Variants in NRXN2 observed in about 807,000 individuals in gnomAD.
The protein encoded by NRXN2 is neurexin-2-beta.
Under a neutral mutation model 128.8 loss-of-function variants are expected in NRXN2, and 29 were observed. The observed-to-expected ratio is 0.23, with a 90% CI of 0.17 to 0.31. The LOEUF (loss-of-function observed/expected upper bound fraction) is 0.31, where lower values mean the gene tolerates loss of function less well. Ranked by LOEUF, NRXN2 falls within the 10% of genes least tolerant of loss-of-function variation. The probability of loss-of-function intolerance (pLI) is 1.00; values close to 1 mark genes in which losing one functional copy is unlikely to be tolerated. For synonymous variants in NRXN2, 1,098 were observed against 1,075.2 expected, an observed-to-expected ratio of 1.02 and a Z score of -0.41; for missense variants, 1,881 against 2,452.6, an observed-to-expected ratio of 0.77 and a Z score of 4.92.
intron 17 of NRXN2, among the ~76,000 whole-genome samples, chr11:64,646,025 G>A (rs971642679): frequency 6.6e-6 from 1 of 152,156 alleles, no homozygotes; most frequent in African/African-American, 2.4e-5. Context: ...CCAGAGACAA[G>A]CTAGGAAGGA....
At chr11:64,677,078 C>CA (rs1457559185) in intron 6 of NRXN2, 41 bp from the exon 7 acceptor site, 5 of 1,316,684 alleles carry the variant, frequency 3.8e-6, no homozygotes, top group Non-Finnish European at 5.4e-6. Flanking sequence ...AGGGGGGTGT[C>CA]AAAAAACAAC....
At chr11:64,699,754 G>T (rs2055070947) in intron 2 of NRXN2, among the ~76,000 whole-genome samples, 1 of 152,088 alleles carries the variant, frequency 6.6e-6, no homozygotes, top group African/African-American at 2.4e-5. Flanking sequence ...CATTTATGGG[G>T]GGAGCTGGCT....
chr11:64,665,689 G>A (rs1367892838), intron 9 of NRXN2, among the ~76,000 whole-genome samples: 2 of 152,218 alleles, frequency 1.3e-5, no homozygotes, highest in African/African-American at 2.4e-5. Flanking sequence ...CCTGCATGGG[G>A]AGGAGCGGTC....
intron 6 of NRXN2, among the ~76,000 whole-genome samples, chr11:64,679,454 G>A (rs1002988321): frequency 4.6e-5 from 7 of 152,000 alleles, no homozygotes; most frequent in Non-Finnish European, 4.4e-5. Context: ...TGGCTAACAC[G>A]GTGAAACCCC....
chr11:64,683,619 C>CAAAAA (rs146075955), intron 6 of NRXN2, among the ~76,000 whole-genome samples: 23 of 75,592 alleles, frequency 3.0e-4, no homozygotes, highest in Non-Finnish European at 7.4e-4. Context: ...GACTCCATCT[C>CAAAAA]AAAAAAAAAA....
chr11:64,650,276 A>C lies in NRXN2; in HGVS notation c.3109+172T>G, dbSNP rs73492160. ...GACATGCAGACTCACAAGAGAGCCA[A>C]GCAGAACTTGGACAGGAAGATGTCA... On this transcript the variant is annotated intron_variant, in intron 15 of 22. Transcript: ENST00000265459. Among the ~76,000 whole-genome samples, 1,484 of 152,142 alleles carry C rather than the reference A, an allele frequency of 9.8e-3. 19 individuals are homozygous for C. Among genetic ancestry groups the C allele is most frequent in the African/African-American group, 0.034 (1,414 of 41,504 alleles).
At chr11:64,681,266 C>G (rs1221683088) in intron 6 of NRXN2, among the ~76,000 whole-genome samples, 2 of 151,718 alleles carry the variant, frequency 1.3e-5, no homozygotes, top group Non-Finnish European at 2.9e-5. Flanking sequence ...AGGAAAGAGA[C>G]CAAATGGATC....
Position 64,685,534 on chromosome 11 carries a change from C to T in NRXN2, c.1152+112G>A, listed in dbSNP as rs79812567. 2,331 of 1,407,692 alleles carry T rather than the reference C, an allele frequency of 1.7e-3. 40 individuals carry two copies. In the African/African-American group the frequency reaches 0.03, roughly 18 times the overall value. The allele number at this position is 1,407,692 out of a possible 1,614,324, so 87.2% of individuals were successfully genotyped here. On this transcript the variant is annotated intron_variant, in intron 6 of 22. Transcript: ENST00000265459. ...ACTCCTGTTCTTCTCCAGAACCACA[C>T]CTCACTGCCCAGCCCTGATCCCTCC...
At chr11:64,711,596 G>C (rs2056900969) in intron 2 of NRXN2, among the ~76,000 whole-genome samples, 1 of 152,050 alleles carries the variant, frequency 6.6e-6, no homozygotes, top group Admixed American at 6.5e-5. Context: ...GGGCAGCGCG[G>C]GTGCTGGCCG....
At position 64,607,066 on chromosome 11, in the gene NRXN2, T is replaced by C; in HGVS notation, c.*130A>G. ...GGTTTTTCCTTTTCTTTTTTTGCGT[T>C]TCCTCTTCGTAAGAGAAGCCTGAGG... On this transcript the variant is annotated 3_prime_UTR_variant, in exon 23 of 23. Transcript: ENST00000265459. 2.0e-6 allele frequency: 2 copies of C among 1,004,148 alleles called. No individual in the cohort carries two copies. Among genetic ancestry groups the C allele is most frequent in the Admixed American group, 2.8e-5 (1 of 35,310 alleles). 62.2% of individuals were successfully genotyped at this position (1,004,148 alleles called of 1,614,324 possible).
chr11:64,665,573 A>G (rs1318625223), intron 9 of NRXN2, among the ~76,000 whole-genome samples: 1 of 152,236 alleles, frequency 6.6e-6, no homozygotes, highest in Admixed American at 6.5e-5. Flanking sequence ...GGATGAAACC[A>G]TTTAATGTAA....
In NRXN2 at chr11:64,631,490, T is replaced by A. The variant is rs1043665335; in HGVS notation, c.3586-917A>T. Among the ~76,000 whole-genome samples, 1 of 152,038 alleles carries A rather than the reference T, an allele frequency of 6.6e-6. No individual in the cohort carries two copies. The highest frequency in any genetic ancestry group is 6.5e-5 in the Admixed American group (1 of 15,282). On this transcript the variant is annotated intron_variant, in intron 18 of 22. Transcript: ENST00000265459. This position sits in a 1 kb window ranked among gnomAD's most constrained non-coding sequence, Gnocchi z 4.8. ...TGGGAGGGAGGGCTTCACCAAACCCTAAATCATGCCAGGCCCTGAGTGGGT... is the reference window on the plus strand; with the variant it reads ...TGGGAGGGAGGGCTTCACCAAACCCAAAATCATGCCAGGCCCTGAGTGGGT...
intron 6 of NRXN2, among the ~76,000 whole-genome samples, chr11:64,682,844 G>C (rs2052500111): frequency 6.6e-6 from 1 of 152,176 alleles, no homozygotes; most frequent in Non-Finnish European, 1.5e-5. Flanking sequence ...GTGACCTCAA[G>C]GGCTGGATTT....
At position 64,623,320 on chromosome 11, in the gene NRXN2, T is replaced by TG; in HGVS notation, c.3848-243dup. 3.2e-6 allele frequency: 2 copies of TG among 622,188 alleles called. No homozygotes were observed. Among genetic ancestry groups the TG allele is most frequent in the Non-Finnish European group, 5.5e-6 (2 of 364,766 alleles). 38.5% of individuals were successfully genotyped at this position (622,188 alleles called of 1,614,324 possible). ...AAGGGGAGGGCACCCAGGGTACACA[T>TG]GGGCTGGGGAAGGGGAGCCCAGTCC... On this transcript the variant is annotated intron_variant, in intron 20 of 22. Coordinates refer to ENST00000265459, the MANE Select transcript of NRXN2 (RefSeq NM_015080.4). This position sits in a 1 kb window ranked among gnomAD's most constrained non-coding sequence, Gnocchi z 4.9.
chr11:64,623,145 AG>A lies in NRXN2; in HGVS notation c.3848-68del. 6.5e-7 allele frequency: 1 copy of A among 1,532,822 alleles called. No individual in the cohort carries two copies. The highest frequency in any genetic ancestry group is 8.8e-7 in the Non-Finnish European group (1 of 1,135,694). The allele number at this position is 1,532,822 out of a possible 1,614,324, so 95.0% of individuals were successfully genotyped here. A position where few individuals can be genotyped will look rare whatever the true frequency, so the allele number is the denominator to read the frequency against. ...TGAGGGGAGACCAGGAAGGGAAGGA[AG>A]AAAAGAAGGAAGCCAAGGAGAGGAA... On this transcript the variant is annotated intron_variant, in intron 20 of 22. Transcript: ENST00000265459. This position sits in a 1 kb window ranked among gnomAD's most constrained non-coding sequence, Gnocchi z 4.9.
In NRXN2 at chr11:64,648,362, C is replaced by T. The variant is rs756787152; in HGVS notation, c.3284-24G>A. ...GCCTGGAAGGGGCAGGAGAAAGGAA[C>T]ACCCCTGGCTCAGCCAAGCCCCCTC... is the stretch of plus-strand genomic sequence containing the variant. On this transcript the variant is annotated intron_variant, in intron 16 of 22. Coordinates refer to ENST00000265459, the MANE Select transcript of NRXN2 (RefSeq NM_015080.4). This position sits in a 1 kb window ranked among gnomAD's most constrained non-coding sequence, Gnocchi z 4.1. 2 of 1,613,924 alleles carry T rather than the reference C, an allele frequency of 1.2e-6. No homozygotes were observed. Among genetic ancestry groups the T allele is most frequent in the South Asian group, 1.1e-5 (1 of 91,082 alleles).
At chr11:64,681,918 C>T (rs1344916970) in intron 6 of NRXN2, among the ~76,000 whole-genome samples, 1 of 152,198 alleles carries the variant, frequency 6.6e-6, no homozygotes, top group Non-Finnish European at 1.5e-5. Context: ...ATCTAATTGC[C>T]TGATGGACTC....
chr11:64,704,510 C>T (rs7115265), intron 2 of NRXN2, among the ~76,000 whole-genome samples: 2,645 of 151,902 alleles, frequency 0.017, 64 homozygotes, highest in African/African-American at 0.059. Context: ...TCTCATAGGA[C>T]CTCTCAGGCC....
chr11:64,685,511 T>C lies in NRXN2; in HGVS notation c.1152+135A>G, dbSNP rs902708704. On this transcript the variant is annotated intron_variant, in intron 6 of 22. Coordinates refer to ENST00000265459, the MANE Select transcript of NRXN2 (RefSeq NM_015080.4). ...ATGTCGGGACCCTCACAGCCCCAAC[T>C]CCTGTTCTTCTCCAGAACCACACCT... The C allele has an allele frequency of 1.8e-5, 22 of 1,198,846 alleles. No homozygotes were observed. In the Admixed American group the frequency reaches 4.0e-4, roughly 22 times the overall value. The allele number at this position is 1,198,846 out of a possible 1,614,324, so 74.3% of individuals were successfully genotyped here. A position where few individuals can be genotyped will look rare whatever the true frequency, so the allele number is the denominator to read the frequency against.
Sources: gnomAD v4.1 joint callset for allele counts (sites outside exome capture counted in the v4.1 genomes callset) on GRCh38, gnomAD v4.1.1 for gene constraint, Gnocchi (gnomAD v3.1) non-coding constraint, MANE v1.5 for transcripts, NCBI Gene and HGNC (gene_info 2026-07-23, HGNC 2026-07-21) for gene names.